Variants in EHMT1 observed in about 807,000 individuals in gnomAD.
The protein encoded by EHMT1 is histone-lysine N-methyltransferase EHMT1.
EHMT1 carries 15 observed loss-of-function variants against 147.2 expected under a neutral mutation model. The observed-to-expected ratio is 0.10, with a 90% CI of 0.07 to 0.16. EHMT1 has a LOEUF of 0.16. EHMT1 is among the 10% of genes least tolerant of loss of function. EHMT1 has a pLI of 1.00. For synonymous variants in EHMT1, 795 were observed against 709.6 expected (o/e 1.12, Z -1.91); for missense variants, 1,587 against 1,772.4 (o/e 0.90, Z 1.88).
chr9:137,648,867 C>T (rs1034571224), intron 1 of EHMT1, among the ~76,000 whole-genome samples: 3 of 152,232 alleles, frequency 2.0e-5, no homozygotes, highest in African/African-American at 7.2e-5. Flanking sequence ...CTCTCCCTAT[C>T]ATGGCATCAC....
chr9:137,811,096 A>T (rs1954444166), intron 18 of EHMT1, among the ~76,000 whole-genome samples: 1 of 152,164 alleles, frequency 6.6e-6, no homozygotes, highest in Admixed American at 6.5e-5. Context: ...GGAAATGAAT[A>T]TAATTTTTAA....
chr9:137,636,658 GT>G (rs1199865266), intron 1 of EHMT1, among the ~76,000 whole-genome samples: 1 of 151,990 alleles, frequency 6.6e-6, no homozygotes, highest in South Asian at 2.1e-4. Context: ...TGATTATGTA[GT>G]TTTTTTCCTT....
At chr9:137,641,013 C>T in intron 1 of EHMT1, 1 of 221,472 alleles carries the variant, frequency 4.5e-6, no homozygotes, top group Non-Finnish European at 8.9e-6. Context: ...GTTATCTTCT[C>T]CTTATCCCGT....
chr9:137,711,517 G>C (rs190952114), intron 2 of EHMT1, among the ~76,000 whole-genome samples: 53 of 152,236 alleles, frequency 3.5e-4, no homozygotes, highest in Admixed American at 3.0e-3. Context: ...CAGACCCAAA[G>C]GGCCACAAGC....
At position 137,780,542 on chromosome 9, in the gene EHMT1, A is replaced by G. The variant is rs1322728009; in HGVS notation, c.2275+825A>G. The stretch of plus-strand genomic sequence containing the variant: ...GCTGGGATGTGTGGTGATGACGCTG[A>G]GATGTGTGGTGATGGCATCACTGAG... On this transcript the variant is annotated intron_variant, in intron 14 of 26. Transcript: ENST00000460843. Among the ~76,000 whole-genome samples, 96 of 100,950 alleles carry G rather than the reference A, an allele frequency of 9.5e-4. 1 individual carries two copies. Among genetic ancestry groups the G allele is most frequent in the Non-Finnish European group, 1.5e-3 (78 of 51,146 alleles). 66.2% of individuals were successfully genotyped at this position (100,950 alleles called of 152,430 possible).
intron 1 of EHMT1, among the ~76,000 whole-genome samples, chr9:137,702,926 A>G (rs1182538276): frequency 2.6e-5 from 4 of 152,202 alleles, no homozygotes; most frequent in African/African-American, 9.7e-5. Flanking sequence ...GGCATGCGCC[A>G]CCACAGATGT....
chr9:137,793,975 C>G lies in EHMT1; in HGVS notation c.2505+3005C>G, dbSNP rs560134050. On this transcript the variant is annotated intron_variant, in intron 16 of 26. Coordinates refer to ENST00000460843, the MANE Select transcript of EHMT1 (RefSeq NM_024757.5). ...GTGATTGTGAATGTGTTTAATGCCA[C>G]AAAACTGTATAAAATGTTTTAAATG... is the stretch of plus-strand genomic sequence containing the variant. 1.1e-4 allele frequency among the ~76,000 whole-genome samples: 17 copies of G among 152,236 alleles called. No individual in the cohort carries two copies. The South Asian group carries it at 3.5e-3, about 32-fold the overall frequency.
At position 137,814,522 on chromosome 9, in the gene EHMT1, C is replaced by T. The variant is rs886063740; in HGVS notation, c.3258+14C>T. On this transcript the variant is annotated intron_variant, in intron 22 of 26. Transcript: ENST00000460843. ...TGGTACGACAAGGTGAGGGCGGCCTCGTGTGCGTGGGCTCAGGTGGTAAGT... is the reference window on the plus strand; with the variant it reads ...TGGTACGACAAGGTGAGGGCGGCCTTGTGTGCGTGGGCTCAGGTGGTAAGT... The T allele has an allele frequency of 2.5e-6, 4 of 1,603,224 alleles. No individual in the cohort carries two copies. The highest frequency in any genetic ancestry group is 1.7e-5 in the Admixed American group (1 of 60,002).
chr9:137,744,593 C>T (rs1236571167), intron 6 of EHMT1, among the ~76,000 whole-genome samples: 1 of 152,230 alleles, frequency 6.6e-6, no homozygotes. Context: ...GTTGGGAATA[C>T]AGCCATGAGC....
At chr9:137,624,204 T>C (rs1299070584) in intron 1 of EHMT1, among the ~76,000 whole-genome samples, 1 of 151,988 alleles carries the variant, frequency 6.6e-6, no homozygotes, top group Non-Finnish European at 1.5e-5. Context: ...GGTTTCACCA[T>C]ATTGGCTAGG....
intron 1 of EHMT1, among the ~76,000 whole-genome samples, chr9:137,671,610 T>C (rs1005273879): frequency 2.7e-5 from 4 of 148,380 alleles, no homozygotes; most frequent in African/African-American, 9.9e-5. Context: ...TTGCAACCTC[T>C]GCCTCTCGGG....
At chr9:137,688,150 A>G (rs954100038) in intron 1 of EHMT1, among the ~76,000 whole-genome samples, 6 of 152,136 alleles carry the variant, frequency 3.9e-5, no homozygotes, top group South Asian at 2.1e-4. Context: ...CAGCCTCCCA[A>G]GTAACTGGGA....
intron 1 of EHMT1, chr9:137,641,485 A>G (rs1844480982): frequency 2.3e-6 from 1 of 438,960 alleles, no homozygotes; most frequent in East Asian, 6.0e-5. Context: ...ACGCTTGTGG[A>G]TGGCTGACAA....
Position 137,754,196 on chromosome 9 carries a change from A to G in EHMT1, c.1274A>G (p.Lys425Arg). ...DLSSESSIKK[K>R]FLKRKGKTDS... ...AGTTCGGAATCCAGCATTAAGAAGA[A>G]ATTTCTCAAGAGGAAAGGAAAGACC... The change falls in exon 8 of 27, where the codon AAA becomes AGA. Residue 425 changes from lysine (K) to arginine (R), a missense_variant. Around this residue, in one of 7 missense-constraint regions of EHMT1, gnomAD observed 810 missense variants for 673.0 expected, o/e 1.20. Coordinates refer to ENST00000460843, the MANE Select transcript of EHMT1 (RefSeq NM_024757.5). 1 of 1,614,146 alleles carries G rather than the reference A, an allele frequency of 6.2e-7. No individual in the cohort carries two copies. Among genetic ancestry groups the G allele is most frequent in the Non-Finnish European group, 8.5e-7 (1 of 1,180,008 alleles).
At chr9:137,759,036 A>T (rs2136290449) in intron 9 of EHMT1, among the ~76,000 whole-genome samples, 1 of 152,086 alleles carries the variant, frequency 6.6e-6, no homozygotes, top group East Asian at 1.9e-4. Flanking sequence ...CTGAGGCAGG[A>T]GAATGGTGTG....
At chr9:137,784,252 G>A in intron 15 of EHMT1, 1 of 1,521,940 alleles carries the variant, frequency 6.6e-7, no homozygotes, top group Non-Finnish European at 8.9e-7. Context: ...CGCCCACAGG[G>A]AGCAGGTCCA....
intron 1 of EHMT1, among the ~76,000 whole-genome samples, chr9:137,672,283 A>G (rs1240366112): frequency 6.6e-6 from 1 of 152,090 alleles, no homozygotes; most frequent in Non-Finnish European, 1.5e-5. Flanking sequence ...GTTTATTGTT[A>G]TTTGTACAGG....
chr9:137,767,555 A>G (rs887104053), intron 10 of EHMT1, among the ~76,000 whole-genome samples: 4 of 152,164 alleles, frequency 2.6e-5, no homozygotes, highest in Non-Finnish European at 5.9e-5. Context: ...GCTCACGCCT[A>G]TAATCCCAGC....
At chr9:137,773,430 G>C (rs1427565483) in intron 10 of EHMT1, among the ~76,000 whole-genome samples, 1 of 150,858 alleles carries the variant, frequency 6.6e-6, no homozygotes, top group Non-Finnish European at 1.5e-5. Flanking sequence ...AAGTTGCCTG[G>C]GTGATTCTAA....
Sources: allele counts gnomAD v4.1 joint callset (sites outside exome capture counted in the v4.1 genomes callset), GRCh38; gene constraint gnomAD v4.1.1; regional missense constraint gnomAD v4.1.1; transcripts MANE v1.5; gene names NCBI Gene and HGNC (gene_info 2026-07-23, HGNC 2026-07-21).